Variants in LRRC69 observed in about 807,000 individuals in gnomAD.
The protein encoded by LRRC69 is leucine-rich repeat-containing protein 69.
In LRRC69, 42 loss-of-function variants were observed where a neutral mutation model predicts 37.8. That is an observed-to-expected ratio of 1.11 (90% CI 0.87 to 1.44). The LOEUF is 1.44. Ranked by LOEUF, LRRC69 falls within the 40% of genes most tolerant of loss-of-function variation. The probability of loss-of-function intolerance (pLI) is 0.00; values close to 1 mark genes in which losing one functional copy is unlikely to be tolerated. For missense variants in LRRC69, 357 were observed against 401.9 expected, an observed-to-expected ratio of 0.89 and a Z score of 0.96; for synonymous variants, 141 against 143.1, an observed-to-expected ratio of 0.99 and a Z score of 0.11.
chr8:91,150,556 T>C (rs1325470258), intron 5 of LRRC69, among the ~76,000 whole-genome samples: 1 of 151,998 alleles, frequency 6.6e-6, no homozygotes, highest in Non-Finnish European at 1.5e-5. Context: ...CTTTTTTTGT[T>C]GTGTCTCTGC....
chr8:91,202,699 G>A (rs1809732308), intron 7 of LRRC69, among the ~76,000 whole-genome samples: 3 of 152,160 alleles, frequency 2.0e-5, no homozygotes, highest in African/African-American at 7.2e-5. Context: ...GCAGGAGTGA[G>A]ATCACAAAAT....
intron 1 of LRRC69, among the ~76,000 whole-genome samples, chr8:91,109,739 A>G (rs922874789): frequency 6.6e-6 from 1 of 152,068 alleles, no homozygotes; most frequent in African/African-American, 2.4e-5. Flanking sequence ...TGAAATATCT[A>G]GAGATGAGAT....
intron 5 of LRRC69, among the ~76,000 whole-genome samples, chr8:91,146,589 T>G (rs1214265726): frequency 6.6e-6 from 1 of 151,796 alleles, no homozygotes; most frequent in Non-Finnish European, 1.5e-5. Flanking sequence ...TTTTTGTCCC[T>G]TTCACTGATG....
intron 5 of LRRC69, among the ~76,000 whole-genome samples, chr8:91,184,218 A>G (rs762089794): frequency 2.6e-5 from 4 of 152,118 alleles, no homozygotes; most frequent in Non-Finnish European, 5.9e-5. Context: ...GGTGGAGGCT[A>G]CAGTGAGCTG....
intron 1 of LRRC69, among the ~76,000 whole-genome samples, chr8:91,119,391 G>T (rs1813576282): frequency 6.6e-6 from 1 of 152,004 alleles, no homozygotes; most frequent in South Asian, 2.1e-4. Flanking sequence ...ATGCTATGAA[G>T]AATATTCCCA....
intron 1 of LRRC69, among the ~76,000 whole-genome samples, chr8:91,107,982 C>A (rs1813347570): frequency 6.6e-6 from 1 of 152,076 alleles, no homozygotes; most frequent in South Asian, 2.1e-4. Context: ...CCTAACCAAA[C>A]ACACGTAGGA....
At chr8:91,119,526 C>A (rs553989144) in intron 1 of LRRC69, among the ~76,000 whole-genome samples, 3 of 152,164 alleles carry the variant, frequency 2.0e-5, no homozygotes, top group African/African-American at 7.2e-5. Context: ...CACATGGTAG[C>A]TTCTTCCAGT....
chr8:91,159,013 A>G (rs1808888679), intron 5 of LRRC69, among the ~76,000 whole-genome samples: 1 of 151,096 alleles, frequency 6.6e-6, no homozygotes, highest in Non-Finnish European at 1.5e-5. Flanking sequence ...TCATATCACC[A>G]CTATTAGGGT....
rs542452535 is a variant in LRRC69 at position 91,148,648 on chromosome 8, G to A, written c.651+12909G>A. The stretch of plus-strand genomic sequence containing the variant: ...GTATTTCTAGTTCTAGATCCCTGAC[G>A]AATCACCACACTGACTTCCACAAGG... On this transcript the variant is annotated intron_variant, in intron 5 of 7. Coordinates refer to ENST00000448384, the Ensembl canonical transcript of LRRC69. Among the ~76,000 whole-genome samples, 14 of 152,066 alleles carry A rather than the reference G, an allele frequency of 9.2e-5. 1 individual carries two copies. In the East Asian group the frequency reaches 2.3e-3, roughly 25 times the overall value.
At chr8:91,217,150 T>C (rs1263574549) in intron 7 of LRRC69, among the ~76,000 whole-genome samples, 21 of 152,172 alleles carry the variant, frequency 1.4e-4, no homozygotes, top group Admixed American at 1.2e-3. Flanking sequence ...GATGCTAAGA[T>C]TCTTAGAGGC....
At chr8:91,113,972 CAAA>C (rs34806474) in intron 1 of LRRC69, among the ~76,000 whole-genome samples, 1 of 60,482 alleles carries the variant, frequency 1.7e-5, no homozygotes, top group Non-Finnish European at 2.8e-5. Flanking sequence ...AGACTTGTCT[CAAA>C]AAAAAAAAAA....
intron 1 of LRRC69, among the ~76,000 whole-genome samples, chr8:91,109,762 A>G (rs974601457): frequency 2.6e-5 from 4 of 152,082 alleles, no homozygotes; most frequent in Admixed American, 6.6e-5. Flanking sequence ...CATGCTGGCC[A>G]TGGAAACTTC....
chr8:91,118,708 C>T (rs944980986), intron 1 of LRRC69, among the ~76,000 whole-genome samples: 4 of 151,986 alleles, frequency 2.6e-5, no homozygotes, highest in African/African-American at 7.2e-5. Context: ...CATTTAATTA[C>T]TGAAGAGATG....
intron 5 of LRRC69, among the ~76,000 whole-genome samples, chr8:91,172,593 G>A (rs1271169656): frequency 3.3e-5 from 5 of 151,850 alleles, no homozygotes; most frequent in African/African-American, 1.2e-4. Flanking sequence ...TCAGCTCACC[G>A]CAACCTCCAC....
chr8:91,197,824 G>C (rs565483087), intron 6 of LRRC69, among the ~76,000 whole-genome samples: 111 of 152,194 alleles, frequency 7.3e-4, no homozygotes, highest in African/African-American at 2.6e-3. Flanking sequence ...CACGGTGGGA[G>C]CTGTAGACTG....
At chr8:91,176,129 TA>T (rs1310677205) in intron 5 of LRRC69, among the ~76,000 whole-genome samples, 385 of 30,016 alleles carry the variant, frequency 0.013, 2 homozygotes, top group East Asian at 0.062. Context: ...TATATATATA[TA>T]TATATTTTTT....
intron 7 of LRRC69, among the ~76,000 whole-genome samples, chr8:91,215,071 A>G (rs548586449): frequency 6.6e-6 from 1 of 151,612 alleles, no homozygotes; most frequent in East Asian, 1.9e-4. Flanking sequence ...CACTTTAACA[A>G]CTCTTGTGAT....
chr8:91,214,889 GT>G (rs1219506690), intron 7 of LRRC69, among the ~76,000 whole-genome samples: 1 of 151,794 alleles, frequency 6.6e-6, no homozygotes, highest in African/African-American at 2.4e-5. Context: ...TGCAGGCTGG[GT>G]TTCCATCTGG....
chr8:91,117,637 C>T (rs1046470996), intron 1 of LRRC69, among the ~76,000 whole-genome samples: 2 of 141,882 alleles, frequency 1.4e-5, no homozygotes, highest in African/African-American at 5.3e-5. Flanking sequence ...TTCAATTGCA[C>T]AAGTCCAGGA....
Sources: allele counts gnomAD v4.1 joint callset (sites outside exome capture counted in the v4.1 genomes callset), GRCh38; gene constraint gnomAD v4.1.1; transcripts MANE v1.5; gene names NCBI Gene and HGNC (gene_info 2026-07-23, HGNC 2026-07-21).